Variants in CREBRF observed in about 807,000 individuals in gnomAD.
CREBRF encodes the protein CREB3 regulatory factor, also known as UPF0474 protein C5orf41.
CREBRF carries 5 observed loss-of-function variants against 66.1 expected under a neutral mutation model. The ratio of observed to expected loss-of-function variants is 0.08; its 90% CI spans 0.04 to 0.16. The LOEUF is 0.16. Among genes scored for constraint, CREBRF ranks in the 10% least tolerant of loss-of-function variants. The probability of loss-of-function intolerance (pLI) is 1.00; values close to 1 mark genes in which losing one functional copy is unlikely to be tolerated. For missense variants in CREBRF, 531 were observed against 744.9 expected (o/e 0.71, Z 3.34); for synonymous variants, 229 against 264.4 (o/e 0.87, Z 1.30).
At chr5:173,065,252 A>G (rs1276767373) in intron 1 of CREBRF, among the ~76,000 whole-genome samples, 1 of 152,196 alleles carries the variant, frequency 6.6e-6, no homozygotes. Flanking sequence ...GCATTCTAGT[A>G]CAGCTGAAGT....
intron 8 of CREBRF, among the ~76,000 whole-genome samples, chr5:173,130,393 G>A (rs537622112): frequency 1.3e-5 from 2 of 152,202 alleles, no homozygotes; most frequent in South Asian, 4.1e-4. Context: ...AACATAAAAT[G>A]TATACTTATT....
chr5:173,125,126 G>C (rs924168197), intron 8 of CREBRF, among the ~76,000 whole-genome samples: 3 of 151,784 alleles, frequency 2.0e-5, no homozygotes, highest in Non-Finnish European at 2.9e-5. Context: ...CACCATGTTG[G>C]CCAGGCTGGT....
intron 4 of CREBRF, among the ~76,000 whole-genome samples, chr5:173,103,033 C>G (rs1758665952): frequency 6.6e-6 from 1 of 152,248 alleles, no homozygotes; most frequent in East Asian, 1.9e-4. Context: ...TTTCTCATCC[C>G]TTTGACTCTC....
chr5:173,123,343 A>G (rs756372700), intron 8 of CREBRF, 141 bp downstream of exon 8: 85 of 693,564 alleles, frequency 1.2e-4, no homozygotes, highest in Non-Finnish European at 1.7e-4. Flanking sequence ...GAGTAGTTTT[A>G]TCTTTTGAGA....
At chr5:173,122,079 T>TTGTTGTTGTTGTTTGCTGC (rs1346976903) in intron 7 of CREBRF, among the ~76,000 whole-genome samples, 1 of 151,850 alleles carries the variant, frequency 6.6e-6, no homozygotes, top group Non-Finnish European at 1.5e-5. Flanking sequence ...GGTTTTGTTG[T>TTGTTGTTGTTGTTTGCTGC]TGTTGTTGTT....
chr5:173,058,786 CTTTT>C (rs70984932), intron 1 of CREBRF, among the ~76,000 whole-genome samples: 5 of 64,092 alleles, frequency 7.8e-5, no homozygotes, highest in East Asian at 3.5e-4. Context: ...CGCCCAGCCT[CTTTT>C]TTTTTTTTTT....
At chr5:173,117,889 T>TC (rs1454523019) in intron 7 of CREBRF, among the ~76,000 whole-genome samples, 1 of 150,052 alleles carries the variant, frequency 6.7e-6, no homozygotes, top group Non-Finnish European at 1.5e-5. Flanking sequence ...TTTTTTTTTT[T>TC]TTGAGACGAA....
chr5:173,129,205 C>G (rs1434794550), intron 8 of CREBRF, among the ~76,000 whole-genome samples: 3 of 148,356 alleles, frequency 2.0e-5, no homozygotes, highest in Non-Finnish European at 3.0e-5. Flanking sequence ...CAAACTCCAC[C>G]TCCCGGGTTC....
At chr5:173,091,707 A>G (rs900420979) in intron 4 of CREBRF, 35 of 1,055,392 alleles carry the variant, frequency 3.3e-5, no homozygotes, top group Non-Finnish European at 4.0e-5. Flanking sequence ...ACTTATTCTT[A>G]ATGTATCTTA....
In CREBRF at chr5:173,092,421, A is replaced by G. The variant is rs995530067; in HGVS notation, c.1222+1020A>G. On this transcript the variant is annotated intron_variant, in intron 4 of 8. Coordinates refer to ENST00000296953, the MANE Select transcript of CREBRF (RefSeq NM_153607.3). ...GGGGAACTGGTTCACTTTAGCATTTACATGCTTGGGCTTTTGGCGCTGTTG... is the reference window on the plus strand; with the variant it reads ...GGGGAACTGGTTCACTTTAGCATTTGCATGCTTGGGCTTTTGGCGCTGTTG... 230 of 985,482 alleles carry G rather than the reference A, an allele frequency of 2.3e-4. 1 individual carries two copies. The highest frequency in any genetic ancestry group is 1.2e-3 in the South Asian group (25 of 21,294). The allele number at this position is 985,482 out of a possible 1,614,324, so 61.0% of individuals were successfully genotyped here.
chr5:173,082,024 T>C (rs1285132735), intron 2 of CREBRF, among the ~76,000 whole-genome samples: 1 of 135,288 alleles, frequency 7.4e-6, no homozygotes, highest in Non-Finnish European at 1.6e-5. Flanking sequence ...TTTTTTTTTT[T>C]TTTTTTTGAG....
At chr5:173,105,356 A>G (rs948427814) in intron 4 of CREBRF, among the ~76,000 whole-genome samples, 1 of 151,978 alleles carries the variant, frequency 6.6e-6, no homozygotes, top group African/African-American at 2.4e-5. Context: ...CATTGATAGG[A>G]AGGTGGGAGT....
At chr5:173,115,149 C>T (rs537699638) in intron 7 of CREBRF, among the ~76,000 whole-genome samples, 18 of 150,634 alleles carry the variant, frequency 1.2e-4, no homozygotes, top group African/African-American at 3.7e-4. Flanking sequence ...TCTTGTTGCC[C>T]GGGCTGGAGT....
At chr5:173,117,661 TC>T (rs1759034304) in intron 7 of CREBRF, among the ~76,000 whole-genome samples, 1 of 123,872 alleles carries the variant, frequency 8.1e-6, no homozygotes, top group African/African-American at 2.9e-5. Flanking sequence ...TCTCTCTCTC[TC>T]TCTTTCTTTT....
intron 4 of CREBRF, among the ~76,000 whole-genome samples, chr5:173,105,779 T>C (rs886394191): frequency 4.3e-5 from 6 of 140,320 alleles, no homozygotes; most frequent in Non-Finnish European, 9.3e-5. Flanking sequence ...GGCCTTTTTA[T>C]TTATTTATTT....
rs535064100 is a variant in CREBRF, at chr5:173,133,858, G to A, written c.*113G>A. On this transcript the variant is annotated 3_prime_UTR_variant, in exon 9 of 9. Coordinates refer to ENST00000296953, the MANE Select transcript of CREBRF (RefSeq NM_153607.3). The stretch of plus-strand genomic sequence containing the variant: ...GCATTATGTAAACATTTACAATTAG[G>A]TTACATTGTTTTAAGAACTAAGTAG... The A allele has an allele frequency of 3.5e-6, 2 of 574,386 alleles. No individual in the cohort carries two copies. The highest frequency in any genetic ancestry group is 6.2e-6 in the Non-Finnish European group (2 of 322,196). 35.6% of individuals were successfully genotyped at this position (574,386 alleles called of 1,614,324 possible).
intron 4 of CREBRF, among the ~76,000 whole-genome samples, chr5:173,102,280 T>G (rs961341604): frequency 1.3e-5 from 2 of 152,204 alleles, no homozygotes; most frequent in African/African-American, 4.8e-5. Context: ...TGTCCCTGAT[T>G]ATTTGTGATC....
Position 173,103,831 on chromosome 5 carries a change from T to C in CREBRF, c.1223-4793T>C, listed in dbSNP as rs750872786. Among the ~76,000 whole-genome samples, 9 of 152,246 alleles carry C rather than the reference T, an allele frequency of 5.9e-5. 1 individual carries two copies. The South Asian group carries it at 6.2e-4, about 10-fold the overall frequency. On this transcript the variant is annotated intron_variant, in intron 4 of 8. Coordinates refer to ENST00000296953, the MANE Select transcript of CREBRF (RefSeq NM_153607.3). The stretch of plus-strand genomic sequence containing the variant: ...CTTCACAGTTGACTTTACCAGCTTA[T>C]TGACAGTAGTCTGTACTAACCAGAG...
intron 1 of CREBRF, among the ~76,000 whole-genome samples, chr5:173,067,730 G>A (rs983993777): frequency 2.0e-5 from 3 of 152,200 alleles, no homozygotes; most frequent in African/African-American, 7.2e-5. Context: ...GGGTGCCGTG[G>A]CTCACACCTG....
Sources: gnomAD v4.1 joint callset for allele counts (sites outside exome capture counted in the v4.1 genomes callset) on GRCh38, gnomAD v4.1.1 for gene constraint, MANE v1.5 for transcripts, NCBI Gene and HGNC (gene_info 2026-07-23, HGNC 2026-07-21) for gene names.